ELMO1: variants seen among roughly 807,000 people sequenced by gnomAD.
ELMO1 encodes the protein engulfment and cell motility protein 1.
In ELMO1, 26 loss-of-function variants were observed where a neutral mutation model predicts 98.9. That is an observed-to-expected ratio of 0.26 (90% CI 0.19 to 0.36). ELMO1 has a LOEUF of 0.36. ELMO1 is among the 10% of genes least tolerant of loss of function. The pLI is 1.00. For synonymous variants in ELMO1, 346 were observed against 346.0 expected (o/e 1.00, Z 0.00); for missense variants, 627 against 935.2 (o/e 0.67, Z 4.30).
chr7:37,412,701 T>C (rs1731988), intron 1 of ELMO1, among the ~76,000 whole-genome samples: 150,568 of 152,352 alleles, frequency 0.99, 74,428 homozygotes, highest in Middle Eastern at 1. Context: ...CTCTCTAACA[T>C]GCAGAGTGTG....
intron 2 of ELMO1, among the ~76,000 whole-genome samples, chr7:37,336,032 G>T (rs906829780): frequency 6.6e-6 from 1 of 152,094 alleles, no homozygotes; most frequent in Admixed American, 6.6e-5. Context: ...TTTGAGACCA[G>T]CCTGGGCAAC....
At chr7:36,856,770 T>G (rs1035940614) in intron 21 of ELMO1, among the ~76,000 whole-genome samples, 6 of 152,206 alleles carry the variant, frequency 3.9e-5, no homozygotes, top group African/African-American at 9.6e-5. Context: ...GCTCCACTCA[T>G]GCACTGGAGT....
chr7:37,090,314 C>T (rs774804918), intron 15 of ELMO1, among the ~76,000 whole-genome samples: 3 of 152,198 alleles, frequency 2.0e-5, no homozygotes, highest in Non-Finnish European at 4.4e-5. Context: ...TGAGCCTGTA[C>T]ACCATCATGC....
At chr7:37,314,417 G>T (rs1417784130) in intron 4 of ELMO1, among the ~76,000 whole-genome samples, 1 of 152,092 alleles carries the variant, frequency 6.6e-6, no homozygotes, top group East Asian at 1.9e-4. Context: ...GGGTTCCCAA[G>T]ATTCATAGAA....
At chr7:36,919,280 C>T (rs1376341821) in intron 16 of ELMO1, 1 of 459,900 alleles carries the variant, frequency 2.2e-6, no homozygotes, top group East Asian at 5.8e-5. Context: ...ATTACATTTC[C>T]CACAGCATAT....
chr7:37,158,608 C>T (rs1428336553), intron 13 of ELMO1, among the ~76,000 whole-genome samples: 1 of 152,098 alleles, frequency 6.6e-6, no homozygotes, highest in Admixed American at 6.5e-5. Context: ...AATGAGATAC[C>T]ATCTCACACC....
intron 11 of ELMO1, among the ~76,000 whole-genome samples, chr7:37,215,329 G>T (rs1793218076): frequency 6.6e-6 from 1 of 152,140 alleles, no homozygotes; most frequent in Admixed American, 6.5e-5. Context: ...TGGCTTACTT[G>T]TATTGGTGGG....
At chr7:37,231,056 A>G (rs1238453108) in intron 8 of ELMO1, among the ~76,000 whole-genome samples, 2 of 152,180 alleles carry the variant, frequency 1.3e-5, no homozygotes, top group African/African-American at 4.8e-5. Context: ...AAATACAGGC[A>G]AAAAGGGGCC....
At chr7:36,985,678 C>CACTA (rs1791447701) in intron 16 of ELMO1, among the ~76,000 whole-genome samples, 1 of 152,238 alleles carries the variant, frequency 6.6e-6, no homozygotes, top group Non-Finnish European at 1.5e-5. Flanking sequence ...CTGCTCCTTA[C>CACTA]ACTAATCCTA....
rs115264924 is a variant in ELMO1, at chr7:37,386,240, C to T, written c.-73-43477G>A. Reference sequence around the variant, plus strand: ...GGATTTGGAAGCCTATCGGATGTTGCAATTGTTTTGAGCAGGTAGCTGGGG... The same window carrying T: ...GGATTTGGAAGCCTATCGGATGTTGTAATTGTTTTGAGCAGGTAGCTGGGG... On this transcript the variant is annotated intron_variant, in intron 1 of 21. Transcript: ENST00000310758. Among the ~76,000 whole-genome samples, 522 of 152,128 alleles carry T rather than the reference C, an allele frequency of 3.4e-3. 3 individuals carry two copies. The highest frequency in any genetic ancestry group is 0.012 in the African/African-American group (501 of 41,500).
intron 13 of ELMO1, among the ~76,000 whole-genome samples, chr7:37,179,726 G>T (rs1364500956): frequency 6.6e-6 from 1 of 152,172 alleles, no homozygotes; most frequent in African/African-American, 2.4e-5. Flanking sequence ...TCACTTCCTT[G>T]GATCTGCTGC....
At chr7:37,403,392 T>C (rs568814032) in intron 1 of ELMO1, among the ~76,000 whole-genome samples, 7 of 151,932 alleles carry the variant, frequency 4.6e-5, no homozygotes, top group Non-Finnish European at 1.0e-4. Context: ...TCCCCCCAAC[T>C]CTGAAAAAAA....
intron 15 of ELMO1, among the ~76,000 whole-genome samples, chr7:37,091,329 ACTCCTG>A (rs1784077002): frequency 6.6e-6 from 1 of 151,926 alleles, no homozygotes; most frequent in African/African-American, 2.4e-5. Context: ...CTGGTCTCGA[ACTCCTG>A]ACCTCAGGTG....
chr7:36,893,252 G>C (rs1805711135), intron 17 of ELMO1, among the ~76,000 whole-genome samples: 1 of 152,144 alleles, frequency 6.6e-6, no homozygotes, highest in Admixed American at 6.5e-5. Flanking sequence ...GTAGGCCCTG[G>C]GATGGGGCAA....
At chr7:37,438,658 C>T (rs1288361789) in intron 1 of ELMO1, among the ~76,000 whole-genome samples, 1 of 151,900 alleles carries the variant, frequency 6.6e-6, no homozygotes, top group East Asian at 1.9e-4. Context: ...GCAAATCCAA[C>T]CCAACGCTTT....
At chr7:37,248,326 A>AT (rs931517306) in intron 6 of ELMO1, among the ~76,000 whole-genome samples, 30 of 148,796 alleles carry the variant, frequency 2.0e-4, no homozygotes, top group East Asian at 3.9e-4. Flanking sequence ...AAGGAACGGC[A>AT]TTTTTTTTTT....
At chr7:36,969,427 T>C (rs1789725253) in intron 16 of ELMO1, among the ~76,000 whole-genome samples, 1 of 152,226 alleles carries the variant, frequency 6.6e-6, no homozygotes, top group South Asian at 2.1e-4. Context: ...TGTGGTGAAT[T>C]CAATATTCAT....
intron 14 of ELMO1, among the ~76,000 whole-genome samples, chr7:37,111,968 G>A: frequency 6.6e-6 from 1 of 152,156 alleles, no homozygotes; most frequent in East Asian, 1.9e-4. Context: ...TTTATCCTGT[G>A]TAGCTCAAAC....
intron 10 of ELMO1, chr7:37,217,606 G>A (rs79697562): frequency 7.1e-6 from 3 of 423,802 alleles, no homozygotes; most frequent in Non-Finnish European, 9.5e-6. Context: ...AAGAACATGG[G>A]GGGTGGGGGA....
Sources: gnomAD v4.1 joint callset for allele counts (sites outside exome capture counted in the v4.1 genomes callset) on GRCh38, gnomAD v4.1.1 for gene constraint, MANE v1.5 for transcripts, NCBI Gene and HGNC (gene_info 2026-07-23, HGNC 2026-07-21) for gene names.